Variants in SLC27A5 observed in about 807,000 individuals in gnomAD.
SLC27A5 encodes the protein solute carrier family 27 member 5.
A neutral mutation model predicts 63.1 loss-of-function variants in SLC27A5; 47 were observed. That is an observed-to-expected ratio of 0.74 (90% confidence interval 0.59 to 0.95). The LOEUF (loss-of-function observed/expected upper bound fraction) is 0.95. Among genes scored for constraint, SLC27A5 ranks in the 40% least tolerant of loss-of-function variants. The pLI, the probability that SLC27A5 is intolerant of heterozygous loss-of-function variation, is 0.00. For missense variants in SLC27A5, 940 were observed against 921.0 expected (o/e 1.02, Z -0.27); for synonymous variants, 391 against 403.8 (o/e 0.97, Z 0.38).
Position 58,511,896 on chromosome 19 carries a change from C to T in SLC27A5, c.60G>A (p.Leu20=), listed in dbSNP as rs1411534430. The T allele has an allele frequency of 3.9e-6, 6 of 1,549,508 alleles. No individual in the cohort carries two copies. The highest frequency in any genetic ancestry group is 3.9e-5 in the Admixed American group (2 of 51,136). The part of the protein sequence containing the change: ...LLLLLLLLWG[L]GQPVWPVAVA... ...CAGCGACTGGCCACACTGGCTGCCC[C>T]AGGCCCCAGAGCAGGAGCAGCAGCA... Residue 20 remains leucine, a synonymous_variant, in exon 1 of 10, where the codon CTG becomes CTA. Transcript: ENST00000263093.
intron 8 of SLC27A5, 51 bp downstream of exon 8, chr19:58,499,072 A>G (rs80330258): frequency 0.033 from 52,327 of 1,606,786 alleles, 1,013 homozygotes; most frequent in Middle Eastern, 0.09. Flanking sequence ...CAGAATAACG[A>G]CCCCTCCACC....
Position 58,498,896 on chromosome 19 carries a change from G to T in SLC27A5, c.1785C>A (p.Gly595=). Residue 595 remains glycine, a synonymous_variant, in exon 9 of 10, where the codon GGC becomes GGA. Coordinates refer to ENST00000263093, the MANE Select transcript of SLC27A5 (RefSeq NM_012254.3). ...VCVPGCEGKV[G]MAAVQLAPGQ... ...CGGGGGCTAGCTGCACAGCAGCCAT[G>T]CCCACCTTACCCTCACAACCTAGAG... The T allele has an allele frequency of 6.2e-7, 1 of 1,613,014 alleles. No individual in the cohort carries two copies. Among genetic ancestry groups the T allele is most frequent in the Non-Finnish European group, 8.5e-7 (1 of 1,179,994 alleles).
At position 58,501,330 on chromosome 19, in the gene SLC27A5, G is replaced by A. The variant is rs2053271352; in HGVS notation, c.1138C>T (p.Leu380=). Residue 380 remains leucine, a synonymous_variant, in exon 4 of 10, where the codon CTG becomes TTG. Coordinates refer to ENST00000263093, the MANE Select transcript of SLC27A5 (RefSeq NM_012254.3). ...TACCGCAGGAGCTCGCCCACATACA[G>A]GATCACTGTCACGCCATGCTGCCGA... ...DCRQHGVTVI[L]YVGELLRYLC... is the part of the protein sequence containing the mutation. 2 of 1,613,792 alleles carry A rather than the reference G, an allele frequency of 1.2e-6. No individual in the cohort carries two copies. Among genetic ancestry groups the A allele is most frequent in the South Asian group, 2.2e-5 (2 of 91,070 alleles).
intron 3 of SLC27A5, among the ~76,000 whole-genome samples, chr19:58,502,907 G>T (rs962901719): frequency 6.6e-6 from 1 of 152,032 alleles, no homozygotes; most frequent in Non-Finnish European, 1.5e-5. Flanking sequence ...AGGCAGGGGG[G>T]TAGAAAGATG....
intron 3 of SLC27A5, among the ~76,000 whole-genome samples, chr19:58,504,341 T>TA (rs2053316738): frequency 1.3e-5 from 2 of 152,130 alleles, no homozygotes; most frequent in African/African-American, 4.8e-5. Context: ...TTTGCTCTGA[T>TA]ATATTCTGGA....
In SLC27A5 at chr19:58,498,545, C is replaced by G; in HGVS notation, c.2043G>C (p.Gln681His). 6.2e-7 allele frequency: 1 copy of G among 1,613,842 alleles called. No individual in the cohort carries two copies. The highest frequency in any genetic ancestry group is 8.5e-7 in the Non-Finnish European group (1 of 1,179,882). The change falls in exon 10 of 10, where the codon CAG (glutamine) becomes CAC (histidine). Residue 681 changes from glutamine to histidine, a missense_variant. Physicochemically the swap from Gln to His is conservative, Grantham distance 24. Coordinates refer to ENST00000263093, the MANE Select transcript of SLC27A5 (RefSeq NM_012254.3). ...GCCTCCAGGTTCCCTCACACACAGC[C>G]TGGTACATTTCTGCCGTCAGGGGCC... ...SFRPLTAEMY[Q>H]AVCEGTWRL
intron 8 of SLC27A5, 95 bp downstream of exon 8, chr19:58,499,028 T>A (rs2053241303): frequency 6.3e-7 from 1 of 1,596,308 alleles, no homozygotes; most frequent in African/African-American, 1.3e-5. Flanking sequence ...TCTCTAAACC[T>A]CTCTGGGCCC....
In SLC27A5 at chr19:58,511,692, C is replaced by T. The variant is rs370326212; in HGVS notation, c.264G>A (p.Pro88=). Residue 88 remains proline (P), a synonymous_variant, in exon 1 of 10, where the codon CCG becomes CCA. Transcript: ENST00000263093. The part of the protein sequence containing the change: ...ARLPPGLRWL[P]ADVIFLAKIL... ...TCTTGGCCAAGAAGATCACATCAGC[C>T]GGCAGCCAGCGTAGTCCTGGGGGCA... is the stretch of plus-strand genomic sequence containing the variant. 3.8e-5 allele frequency: 59 copies of T among 1,568,732 alleles called. 1 individual carries two copies. Among genetic ancestry groups the T allele is most frequent in the South Asian group, 2.3e-4 (20 of 85,850 alleles).
chr19:58,498,788 G>A lies in SLC27A5; in HGVS notation c.1893C>T (p.Ile631=). The A allele has an allele frequency of 6.2e-7, 1 of 1,613,884 alleles. No homozygotes were observed. ...CACCAGGCCACCCTGGGCTCACCTG[G>A]ATGCGGATGAAATGGGGGGTAGCGT... is the stretch of plus-strand genomic sequence containing the variant. The part of the protein sequence containing the change: ...PAYATPHFIR[I]QDAMEVTSTF... The change falls in exon 9 of 10, where the codon ATC becomes ATT. Residue 631 remains isoleucine (I), a synonymous_variant. Transcript: ENST00000263093.
chr19:58,503,597 A>T (rs1299216339), intron 3 of SLC27A5, among the ~76,000 whole-genome samples: 4 of 151,974 alleles, frequency 2.6e-5, no homozygotes, highest in Non-Finnish European at 4.4e-5. Context: ...CAGGAGGGGG[A>T]GGCTGTAGTG....
chr19:58,511,324 A>AT lies in SLC27A5; in HGVS notation c.631dup (p.Met211AsnfsTer35), dbSNP rs2053408075. On this transcript the variant is annotated frameshift_variant, in exon 1 of 10. Transcript: ENST00000263093. LOFTEE classifies it high-confidence loss of function. ...GCTCAGCACAGAGTGCGCCAGGGGC[A>AT]TCCCCCGGCCATGCGGGTTGATCCA... 6.3e-7 allele frequency: 1 copy of AT among 1,592,894 alleles called. No homozygotes were observed. Among genetic ancestry groups the AT allele is most frequent in the Non-Finnish European group, 8.6e-7 (1 of 1,165,322 alleles).
chr19:58,504,562 T>G lies in SLC27A5; in HGVS notation c.1058-3152A>C, dbSNP rs1397504395. ...TATTCAGGAGGCTGAGGCAGAAAAC[T>G]GATTGAACCCTGGGGGGGGGGGGGG... On this transcript the variant is annotated intron_variant, in intron 3 of 9. Coordinates refer to ENST00000263093, the MANE Select transcript of SLC27A5 (RefSeq NM_012254.3). Among the ~76,000 whole-genome samples the G allele has an allele frequency of 8.7e-5, 7 of 80,230 alleles. No individual in the cohort carries two copies. The Admixed American group carries it at 1.4e-3, about 17-fold the overall frequency. 52.6% of individuals were successfully genotyped at this position (80,230 alleles called of 152,430 possible).
intron 3 of SLC27A5, among the ~76,000 whole-genome samples, chr19:58,502,983 G>T (rs2053299401): frequency 6.6e-6 from 1 of 152,124 alleles, no homozygotes; most frequent in Non-Finnish European, 1.5e-5. Flanking sequence ...GAGGTGGGCG[G>T]ATCACGAGGT....
intron 3 of SLC27A5, among the ~76,000 whole-genome samples, chr19:58,502,184 A>C (rs113673533): frequency 2.7e-5 from 4 of 146,826 alleles, no homozygotes; most frequent in African/African-American, 1.1e-4. Context: ...GGATGGGTGA[A>C]CAGTTAGAGT....
chr19:58,501,459 G>T (rs772098970), intron 3 of SLC27A5, 49 bp from the exon 4 acceptor site: 9 of 1,594,626 alleles, frequency 5.6e-6, no homozygotes, highest in Non-Finnish European at 7.7e-6. Flanking sequence ...CCAAATTGTT[G>T]TAAGAAGCTG....
At chr19:58,507,861 G>C (rs991503761) in intron 3 of SLC27A5, 7 of 152,108 alleles carry the variant, frequency 4.6e-5, no homozygotes, top group African/African-American at 1.7e-4. Flanking sequence ...AGGCTTACTA[G>C]GGTGGGGAAA....
intron 2 of SLC27A5, chr19:58,510,280 T>A: frequency 2.4e-6 from 1 of 412,394 alleles, no homozygotes; most frequent in Admixed American, 4.2e-5. Context: ...TCAGGCCAAA[T>A]ATCAAAATCA....
intron 3 of SLC27A5, among the ~76,000 whole-genome samples, chr19:58,502,968 A>T (rs1272828314): frequency 6.6e-6 from 1 of 152,026 alleles, no homozygotes; most frequent in Non-Finnish European, 1.5e-5. Flanking sequence ...GGACTTAGGG[A>T]GGCCGAGGTG....
chr19:58,505,704 C>T lies in SLC27A5; in HGVS notation c.1057+4143G>A, dbSNP rs964011125. 1.3e-5 allele frequency among the ~76,000 whole-genome samples: 2 copies of T among 151,378 alleles called. 1 individual carries two copies. Among genetic ancestry groups the T allele is most frequent in the Non-Finnish European group, 2.9e-5 (2 of 67,878 alleles). ...ACTAAAAACATAAAAAAAAATTAGC[C>T]GGTCGTGAGGGCACATGCCTGTAAT... On this transcript the variant is annotated intron_variant, in intron 3 of 9. Coordinates refer to ENST00000263093, the MANE Select transcript of SLC27A5 (RefSeq NM_012254.3).
Sources: gnomAD v4.1 joint callset for allele counts (sites outside exome capture counted in the v4.1 genomes callset) on GRCh38, gnomAD v4.1.1 for gene constraint, MANE v1.5 for transcripts, NCBI Gene and HGNC (gene_info 2026-07-23, HGNC 2026-07-21) for gene names.